Variants in PLEKHA3 observed in about 807,000 individuals in gnomAD.
PLEKHA3 encodes pleckstrin homology domain-containing family A member 3.
A neutral mutation model predicts 39.2 loss-of-function variants in PLEKHA3; 19 were observed. The observed-to-expected ratio is 0.48, with a 90% CI of 0.34 to 0.71. The LOEUF is 0.71. Ranked by LOEUF, PLEKHA3 falls within the 30% of genes least tolerant of loss-of-function variation. PLEKHA3 has a pLI of 0.01. For synonymous variants in PLEKHA3, 97 were observed against 118.6 expected, an observed-to-expected ratio of 0.82 and a Z score of 1.18; for missense variants, 253 against 359.5, an observed-to-expected ratio of 0.70 and a Z score of 2.40.
At position 178,480,765 on chromosome 2, in the gene PLEKHA3, G is replaced by A; in HGVS notation, c.-105G>A. The A allele has an allele frequency of 9.7e-7, 1 of 1,028,130 alleles. No individual in the cohort carries two copies. Among genetic ancestry groups the A allele is most frequent in the South Asian group, 4.7e-5 (1 of 21,272 alleles). 63.7% of individuals were successfully genotyped at this position (1,028,130 alleles called of 1,614,324 possible). A position where few individuals can be genotyped will look rare whatever the true frequency, so the allele number is the denominator to read the frequency against. On this transcript the variant is annotated 5_prime_UTR_variant, in exon 1 of 8. Coordinates refer to ENST00000234453, the MANE Select transcript of PLEKHA3 (RefSeq NM_019091.4). Reference sequence around the variant, plus strand: ...GGCAGAAAGCGGCTTCGTGCCGGCGGAGGGGGCCCGGGCGGGCCGGGAGGG... The same window carrying A: ...GGCAGAAAGCGGCTTCGTGCCGGCGAAGGGGGCCCGGGCGGGCCGGGAGGG...
intron 1 of PLEKHA3, among the ~76,000 whole-genome samples, chr2:178,481,554 G>C (rs1294536727): frequency 2.0e-5 from 3 of 152,154 alleles, no homozygotes; most frequent in African/African-American, 7.2e-5. Flanking sequence ...TGTGAAGTGG[G>C]TTGGAAGGAA....
At chr2:178,494,498 T>C (rs1053516442) in intron 4 of PLEKHA3, among the ~76,000 whole-genome samples, 16 of 152,226 alleles carry the variant, frequency 1.1e-4, no homozygotes, top group Non-Finnish European at 1.9e-4. Flanking sequence ...TATACCACTC[T>C]CTGGGTGAAA....
chr2:178,496,295 G>A (rs1010467833), intron 5 of PLEKHA3, among the ~76,000 whole-genome samples: 1 of 152,190 alleles, frequency 6.6e-6, no homozygotes, highest in African/African-American at 2.4e-5. Context: ...TGTCCTTTCT[G>A]AGCTAATAAA....
At chr2:178,496,680 G>A (rs1685452665) in intron 5 of PLEKHA3, among the ~76,000 whole-genome samples, 1 of 151,978 alleles carries the variant, frequency 6.6e-6, no homozygotes, top group Non-Finnish European at 1.5e-5. Context: ...TATGAATTGG[G>A]TTTGATGGGA....
chr2:178,491,634 TCAA>T (rs1685348958), intron 3 of PLEKHA3, among the ~76,000 whole-genome samples: 1 of 152,254 alleles, frequency 6.6e-6, no homozygotes, highest in Non-Finnish European at 1.5e-5. Context: ...TGTTATTAGT[TCAA>T]CTATATACAG....
chr2:178,503,344 A>G (rs1685558799), intron 7 of PLEKHA3, among the ~76,000 whole-genome samples: 1 of 151,976 alleles, frequency 6.6e-6, no homozygotes, highest in Admixed American at 6.6e-5. Flanking sequence ...ATCTTGGGTA[A>G]GGCATGTATC....
At chr2:178,489,839 C>G (rs1158149298) in intron 2 of PLEKHA3, among the ~76,000 whole-genome samples, 2 of 152,158 alleles carry the variant, frequency 1.3e-5, no homozygotes, top group African/African-American at 2.4e-5. Flanking sequence ...CAAGAAATCT[C>G]TGCACCAAAG....
In PLEKHA3 at chr2:178,492,465, AATC is replaced by A. The variant is rs374270096; in HGVS notation, c.314-1385_314-1383del. Among the ~76,000 whole-genome samples, 251 of 116,482 alleles carry A rather than the reference AATC, an allele frequency of 2.2e-3. 1 individual carries two copies. The highest frequency in any genetic ancestry group is 8.1e-3 in the African/African-American group (239 of 29,458). 76.4% of individuals were successfully genotyped at this position (116,482 alleles called of 152,430 possible). A position where few individuals can be genotyped will look rare whatever the true frequency, so the allele number is the denominator to read the frequency against. ...GACATTACAATAAGTAAAAAAAGCT[AATC>A]ATGTGGGGTGGGGGGAGGGGGGAGG... is the stretch of plus-strand genomic sequence containing the variant. On this transcript the variant is annotated intron_variant, in intron 3 of 7. Coordinates refer to ENST00000234453, the MANE Select transcript of PLEKHA3 (RefSeq NM_019091.4).
At chr2:178,495,420 T>C (rs1289350233) in intron 4 of PLEKHA3, 76 bp from the exon 5 acceptor site, 2 of 1,357,744 alleles carry the variant, frequency 1.5e-6, no homozygotes, top group Non-Finnish European at 2.1e-6. Context: ...AGATGTCTTA[T>C]TATTTAATGA....
intron 5 of PLEKHA3, among the ~76,000 whole-genome samples, chr2:178,497,311 A>G (rs1020401662): frequency 6.6e-6 from 1 of 151,972 alleles, no homozygotes; most frequent in African/African-American, 2.4e-5. Flanking sequence ...GCTCACTGCA[A>G]GCTCCGCCTC....
chr2:178,491,303 G>A (rs548946592), intron 3 of PLEKHA3, among the ~76,000 whole-genome samples: 1 of 152,120 alleles, frequency 6.6e-6, no homozygotes, highest in Non-Finnish European at 1.5e-5. Flanking sequence ...GAGCCACTGC[G>A]CCCAGCCTAA....
chr2:178,485,512 A>T, intron 1 of PLEKHA3, 129 bp from the exon 2 acceptor site: 1 of 686,090 alleles, frequency 1.5e-6, no homozygotes. Context: ...GGTGATTGAA[A>T]ATTTCATTAT....
chr2:178,481,993 G>A (rs947818918), intron 1 of PLEKHA3: 1 of 153,736 alleles, frequency 6.5e-6, no homozygotes, highest in East Asian at 1.9e-4. Flanking sequence ...ACTTTTTAAG[G>A]CATAAGCACT....
At chr2:178,496,764 GA>G (rs1441353226) in intron 5 of PLEKHA3, among the ~76,000 whole-genome samples, 2 of 151,920 alleles carry the variant, frequency 1.3e-5, no homozygotes, top group African/African-American at 4.8e-5. Context: ...ACCCAGGCTG[GA>G]GTGCAGTGAC....
chr2:178,497,399 T>G (rs918405518), intron 5 of PLEKHA3, among the ~76,000 whole-genome samples: 11 of 151,768 alleles, frequency 7.2e-5, no homozygotes, highest in Non-Finnish European at 1.5e-4. Context: ...CCCAGCTAAT[T>G]TTTTGTATTT....
At chr2:178,500,313 A>AT in intron 6 of PLEKHA3, among the ~76,000 whole-genome samples, 1 of 152,246 alleles carries the variant, frequency 6.6e-6, no homozygotes, top group Non-Finnish European at 1.5e-5. Context: ...AATGATGTAT[A>AT]TATCCAACCT....
intron 1 of PLEKHA3, among the ~76,000 whole-genome samples, chr2:178,483,755 A>T (rs1685208878): frequency 6.6e-6 from 1 of 152,186 alleles, no homozygotes; most frequent in Admixed American, 6.5e-5. Flanking sequence ...ACTCTCAAAG[A>T]TATATTGTAT....
At chr2:178,499,166 C>G (rs1269092706) in intron 5 of PLEKHA3, 45 bp from the exon 6 acceptor site, 1 of 1,540,042 alleles carries the variant, frequency 6.5e-7, no homozygotes, top group Non-Finnish European at 8.9e-7. Context: ...TTCTACTTGA[C>G]ATATGGATTA....
intron 7 of PLEKHA3, chr2:178,502,451 G>T: frequency 3.1e-6 from 1 of 323,934 alleles, no homozygotes. Context: ...GGGTTAAAGA[G>T]GTTGAGTATG....
Sources: gnomAD v4.1 joint callset for allele counts (sites outside exome capture counted in the v4.1 genomes callset) on GRCh38, gnomAD v4.1.1 for gene constraint, MANE v1.5 for transcripts, NCBI Gene and HGNC (gene_info 2026-07-23, HGNC 2026-07-21) for gene names.